The following YJU2B variants were observed in gnomAD, a reference collection of about 807,000 sequenced individuals.
YJU2B encodes the protein probable splicing factor YJU2B.
YJU2B carries 18 observed loss-of-function variants against 38.0 expected under a neutral mutation model. The ratio of observed to expected loss-of-function variants is 0.47; its 90% confidence interval spans 0.33 to 0.70. YJU2B has a LOEUF of 0.70. YJU2B is among the 30% of genes least tolerant of loss of function. The pLI is 0.02. For synonymous variants in YJU2B, 246 were observed against 225.4 expected (o/e 1.09, Z -0.82); for missense variants, 538 against 556.3 (o/e 0.97, Z 0.33).
At position 13,754,352 on chromosome 19, in the gene YJU2B, C is replaced by G; in HGVS notation, c.57+10C>G. ...CTTCAACCCTGAGAAGGTAAGCAGG[C>G]TCTCCGCTCCAGGTCCACAGTAGCA... On this transcript the variant is annotated intron_variant, in intron 3 of 9. Coordinates refer to ENST00000221554, the MANE Select transcript of YJU2B (RefSeq NM_030818.4). The G allele has an allele frequency of 1.2e-6, 2 of 1,610,346 alleles. No homozygotes were observed. Among genetic ancestry groups the G allele is most frequent in the South Asian group, 2.2e-5 (2 of 91,014 alleles).
At chr19:13,751,980 G>A (rs1354005054) in intron 2 of YJU2B, among the ~76,000 whole-genome samples, 169 bp downstream of exon 2, 1 of 152,060 alleles carries the variant, frequency 6.6e-6, no homozygotes, top group Non-Finnish European at 1.5e-5. Context: ...ATCACCCATG[G>A]GCACTTTTTA....
intron 2 of YJU2B, among the ~76,000 whole-genome samples, chr19:13,737,062 C>T (rs1441506870): frequency 6.6e-6 from 1 of 151,848 alleles, no homozygotes; most frequent in African/African-American, 2.4e-5. Context: ...GGGTCTCGCT[C>T]TGTCACCCAT....
chr19:13,760,680 T>C (rs1000952251), intron 8 of YJU2B, among the ~76,000 whole-genome samples: 1 of 152,004 alleles, frequency 6.6e-6, no homozygotes, highest in Non-Finnish European at 1.5e-5. Flanking sequence ...GCAGCCTCGA[T>C]GTCCCAGGTT....
chr19:13,744,745 G>A (rs1282370821), upstream of YJU2B, among the ~76,000 whole-genome samples: 1 of 152,088 alleles, frequency 6.6e-6, no homozygotes, highest in African/African-American at 2.4e-5. Flanking sequence ...TGTAATCCCA[G>A]CACTTTGGGA....
chr19:13,755,106 G>A (rs1480422866), intron 3 of YJU2B, among the ~76,000 whole-genome samples: 1 of 150,294 alleles, frequency 6.7e-6, no homozygotes, highest in Non-Finnish European at 1.5e-5. Flanking sequence ...GGAGACTGCA[G>A]TGAGTCATAA....
rs1435670317 is a variant in YJU2B at position 13,762,987 on chromosome 19, A to G, written c.1110A>G (p.Ala370=). The change falls in exon 10 of 10, where the codon GCA becomes GCG. Residue 370 remains alanine (A), a synonymous_variant. Coordinates refer to ENST00000221554, the MANE Select transcript of YJU2B (RefSeq NM_030818.4). ...PLSPAGSSQE[A]ADTPDTRHPC... is the part of the protein sequence containing the mutation. ...CGCCAGCAGGCTCCTCCCAGGAGGC[A>G]GCTGACACCCCCGACACGCGGCACC... 3.1e-6 allele frequency: 5 copies of G among 1,609,484 alleles called. No individual in the cohort carries two copies. The highest frequency in any genetic ancestry group is 4.2e-6 in the Non-Finnish European group (5 of 1,178,190).
In YJU2B at chr19:13,762,317, C is replaced by CAGGAGG. The variant is rs763638028; in HGVS notation, c.601_606dup (p.Glu201_Glu202dup). ...AACACAGGAAAAGAAAAAAGCCATC[C>CAGGAGG]AGGAGGAGGAGGAGAGAGACCAGGC... is the stretch of plus-strand genomic sequence containing the variant. On this transcript the variant is annotated inframe_insertion, in exon 9 of 10. Coordinates refer to ENST00000221554, the MANE Select transcript of YJU2B (RefSeq NM_030818.4). 6.2e-7 allele frequency: 1 copy of CAGGAGG among 1,613,324 alleles called. No individual in the cohort carries two copies. The highest frequency in any genetic ancestry group is 1.7e-5 in the Admixed American group (1 of 59,878).
chr19:13,734,613 G>A (rs1489608607), intron 2 of YJU2B, among the ~76,000 whole-genome samples: 1 of 151,700 alleles, frequency 6.6e-6, no homozygotes, highest in African/African-American at 2.4e-5. Flanking sequence ...TTTTAAGACA[G>A]GTTCTCACTC....
intron 2 of YJU2B, among the ~76,000 whole-genome samples, chr19:13,753,499 G>A (rs1016471499): frequency 2.0e-5 from 3 of 150,872 alleles, no homozygotes; most frequent in Non-Finnish European, 3.0e-5. Context: ...GCTTGAATCC[G>A]GGAGGCGGAG....
chr19:13,762,124 G>A (rs1449426602), intron 8 of YJU2B, among the ~76,000 whole-genome samples, 175 bp from the exon 9 acceptor site: 1 of 152,180 alleles, frequency 6.6e-6, no homozygotes, highest in Non-Finnish European at 1.5e-5. Context: ...GAGCCCAGGA[G>A]TTCGAGGCTG....
intron 5 of YJU2B, 84 bp from the exon 6 acceptor site, chr19:13,757,702 A>G (rs1486328546): frequency 7.2e-7 from 1 of 1,384,856 alleles, no homozygotes. Context: ...AGCAAGTGAC[A>G]GTGAGCCTCT....
chr19:13,762,995 C>T lies in YJU2B; in HGVS notation c.1118C>T (p.Thr373Ile). ...PAGSSQEAAD[T>I]PDTRHPCSLG... ...GGCTCCTCCCAGGAGGCAGCTGACA[C>T]CCCCGACACGCGGCACCCCTGCAGT... is the stretch of plus-strand genomic sequence containing the variant. Residue 373 changes from threonine to isoleucine, a missense_variant, in exon 10 of 10, where the codon ACC becomes ATC. Physicochemically the swap from Thr to Ile is moderately conservative, Grantham distance 89. This residue lies in a region of YJU2B where 488 missense variants were observed against 469.5 expected (regional missense o/e 1.04). Transcript: ENST00000221554. 1.2e-6 allele frequency: 2 copies of T among 1,607,150 alleles called. No homozygotes were observed. The highest frequency in any genetic ancestry group is 1.7e-6 in the Non-Finnish European group (2 of 1,176,712).
chr19:13,763,177 G>A lies in YJU2B; in HGVS notation c.*109G>A. On this transcript the variant is annotated 3_prime_UTR_variant, in exon 10 of 10. Coordinates refer to ENST00000221554, the MANE Select transcript of YJU2B (RefSeq NM_030818.4). ...CGCCCACCAGCCCTGGGAGAGCTCA[G>A]ATGCCGCATCCTCCCCAGACCGCGC... 1 of 872,332 alleles carries A rather than the reference G, an allele frequency of 1.1e-6. No homozygotes were observed. Among genetic ancestry groups the A allele is most frequent in the East Asian group, 2.6e-5 (1 of 38,280 alleles). The allele number at this position is 872,332 out of a possible 1,614,324, so 54.0% of individuals were successfully genotyped here.
chr19:13,760,807 G>A (rs1446696151), intron 8 of YJU2B, among the ~76,000 whole-genome samples: 2 of 151,872 alleles, frequency 1.3e-5, no homozygotes, highest in Non-Finnish European at 2.9e-5. Flanking sequence ...AGTCTCGCTC[G>A]TCGCCCATGC....
intron 2 of YJU2B, among the ~76,000 whole-genome samples, chr19:13,732,823 G>A (rs1378529604): frequency 1.3e-5 from 2 of 151,770 alleles, no homozygotes; most frequent in Non-Finnish European, 2.9e-5. Flanking sequence ...TGGCCAGACT[G>A]GTCTCAAACT....
At chr19:13,739,174 G>T (rs558217873) in intron 2 of YJU2B, among the ~76,000 whole-genome samples, 1 of 152,042 alleles carries the variant, frequency 6.6e-6, no homozygotes, top group Non-Finnish European at 1.5e-5. Flanking sequence ...AAGAGACAGG[G>T]TCTCTCTGTC....
Position 13,758,959 on chromosome 19 carries a change from C to A in YJU2B, c.349C>A (p.Arg117Ser). 6.2e-7 allele frequency: 1 copy of A among 1,614,022 alleles called. No homozygotes were observed. The change falls in exon 7 of 10, where the codon CGC (arginine) becomes AGC (serine). Residue 117 changes from arginine to serine, a missense_variant. Coordinates refer to ENST00000221554, the MANE Select transcript of YJU2B (RefSeq NM_030818.4). ...CDYVIVSGAQRKEERWDMADN... is the reference protein window; with the variant it reads ...CDYVIVSGAQSKEERWDMADN... ...CTACGTGATCGTGAGTGGCGCCCAG[C>A]GCAAGGAGGAGCGCTGGGACATGGC...
rs369597144 is a variant in YJU2B at position 13,740,419 on chromosome 19, C to T, written c.-202+8134C>T. On this transcript the variant is annotated intron_variant, in intron 2 of 10. Coordinates refer to the YJU2B transcript ENST00000586600. Reference sequence around the variant, plus strand: ...AGAGACAGGGGTCTCACCATGTTGCCGAGGCTGGTCTTGACCTCCTGGCCT... The same window carrying T: ...AGAGACAGGGGTCTCACCATGTTGCTGAGGCTGGTCTTGACCTCCTGGCCT... Among the ~76,000 whole-genome samples the T allele has an allele frequency of 2.0e-5, 3 of 152,170 alleles. No individual in the cohort carries two copies. The East Asian group carries it at 5.8e-4, about 29-fold the overall frequency.
At chr19:13,754,675 C>T (rs1180195785) in intron 3 of YJU2B, among the ~76,000 whole-genome samples, 1 of 152,136 alleles carries the variant, frequency 6.6e-6, no homozygotes, top group Non-Finnish European at 1.5e-5. Flanking sequence ...CCTGGAATCT[C>T]TTCCTCCATT....
Sources: gnomAD v4.1 joint callset for allele counts (sites outside exome capture counted in the v4.1 genomes callset) on GRCh38, gnomAD v4.1.1 for gene constraint, gnomAD v4.1.1 regional missense constraint, MANE v1.5 for transcripts, NCBI Gene and HGNC (gene_info 2026-07-23, HGNC 2026-07-21) for gene names.